Variants in DDAH1 observed in about 807,000 individuals in gnomAD.
DDAH1 encodes the protein dimethylarginine dimethylaminohydrolase 1, also known as N(G),N(G)-dimethylarginine dimethylaminohydrolase 1.
A neutral mutation model predicts 28.8 loss-of-function variants in DDAH1; 19 were observed. That is an observed-to-expected ratio of 0.66 (90% confidence interval 0.46 to 0.97). The LOEUF is 0.97. Among genes scored for constraint, DDAH1 ranks in the 50% least tolerant of loss-of-function variants. The probability of loss-of-function intolerance (pLI) is 0.00; values close to 1 mark genes in which losing one functional copy is unlikely to be tolerated. For synonymous variants in DDAH1, 153 were observed against 154.4 expected, an observed-to-expected ratio of 0.99 and a Z score of 0.07; for missense variants, 326 against 375.9, an observed-to-expected ratio of 0.87 and a Z score of 1.10.
chr1:85,493,912 G>A (rs1406981137), intron 2 of DDAH1: 2 of 152,188 alleles, frequency 1.3e-5, no homozygotes, highest in Non-Finnish European at 2.9e-5. Context: ...TGTATTTCTA[G>A]TAATTCAAAG....
intron 4 of DDAH1, among the ~76,000 whole-genome samples, chr1:85,348,853 T>C (rs781205933): frequency 3.9e-5 from 6 of 152,236 alleles, no homozygotes; most frequent in Non-Finnish European, 8.8e-5. Flanking sequence ...ACCAAATGAT[T>C]TGAGTTAGGG....
At chr1:85,559,035 A>G (rs1335115492) in intron 1 of DDAH1, among the ~76,000 whole-genome samples, 2 of 152,232 alleles carry the variant, frequency 1.3e-5, no homozygotes, top group Non-Finnish European at 2.9e-5. Context: ...TATAAACTGG[A>G]AAGCAGTTTG....
At chr1:85,480,847 A>G (rs1345795318) in intron 2 of DDAH1, among the ~76,000 whole-genome samples, 4 of 151,986 alleles carry the variant, frequency 2.6e-5, no homozygotes, top group Non-Finnish European at 5.9e-5. Context: ...AAATCAAGGT[A>G]TATCCATACC....
intron 1 of DDAH1, among the ~76,000 whole-genome samples, chr1:85,566,446 C>T (rs1237224992): frequency 2.7e-5 from 4 of 148,124 alleles, no homozygotes; most frequent in African/African-American, 5.0e-5. Context: ...GAGCCAAGAT[C>T]GCACCACTGC....
At chr1:85,435,871 A>G (rs767399518) in intron 1 of DDAH1, among the ~76,000 whole-genome samples, 22 of 152,028 alleles carry the variant, frequency 1.4e-4, no homozygotes, top group Middle Eastern at 3.4e-3. Context: ...TCTCACTGCA[A>G]CCTCTGCCTC....
chr1:85,481,373 C>T (rs893211088), intron 2 of DDAH1, among the ~76,000 whole-genome samples: 4 of 152,128 alleles, frequency 2.6e-5, no homozygotes, highest in African/African-American at 9.7e-5. Flanking sequence ...GTTGGGACTA[C>T]AGATGTGAGT....
At position 85,565,236 on chromosome 1, in the gene DDAH1, T is replaced by C. The variant is rs916552485; in HGVS notation, c.-123+12748A>G. ...GCATAAAGAAGAACAAATTTTTGAA[T>C]GTCAGCTGATTTCTCATCAGAAACA... On this transcript the variant is annotated intron_variant, in intron 1 of 6. Transcript: ENST00000426972. 2.6e-5 allele frequency among the ~76,000 whole-genome samples: 4 copies of C among 152,062 alleles called. No homozygotes were observed. In the East Asian group the frequency reaches 7.7e-4, roughly 29 times the overall value.
At chr1:85,382,963 C>T (rs1472528407) in intron 1 of DDAH1, among the ~76,000 whole-genome samples, 1 of 152,196 alleles carries the variant, frequency 6.6e-6, no homozygotes, top group Non-Finnish European at 1.5e-5. Flanking sequence ...TGACAATGCA[C>T]CTGGTCACCC....
chr1:85,427,271 TA>T (rs58534051), intron 1 of DDAH1, among the ~76,000 whole-genome samples: 73 of 142,204 alleles, frequency 5.1e-4, no homozygotes, highest in East Asian at 1.8e-3. Context: ...CCAAGTGAGC[TA>T]AAAAAAAAAA....
At chr1:85,383,566 T>G (rs929136297) in intron 1 of DDAH1, among the ~76,000 whole-genome samples, 1 of 152,238 alleles carries the variant, frequency 6.6e-6, no homozygotes, top group African/African-American at 2.4e-5. Context: ...TTGAGAGGAC[T>G]ACAATCTTGA....
At position 85,407,966 on chromosome 1, in the gene DDAH1, G is replaced by C. The variant is rs555302024; in HGVS notation, c.304-49119C>G. The stretch of plus-strand genomic sequence containing the variant: ...TCCTGCTTTAGAACTGGAAGACCAC[G>C]CATGTGGAATTTTAAATTGTTGGCT... On this transcript the variant is annotated intron_variant, in intron 1 of 5. Transcript: ENST00000284031. Among the ~76,000 whole-genome samples the C allele has an allele frequency of 3.3e-5, 5 of 152,228 alleles. No homozygotes were observed. The East Asian group carries it at 9.6e-4, about 29-fold the overall frequency.
intron 1 of DDAH1, among the ~76,000 whole-genome samples, chr1:85,528,652 C>T (rs576062109): frequency 6.6e-6 from 1 of 152,098 alleles, no homozygotes; most frequent in Non-Finnish European, 1.5e-5. Flanking sequence ...TAAGCTACTT[C>T]CTTCCTTTAA....
chr1:85,506,319 T>A (rs1657014915), intron 1 of DDAH1, among the ~76,000 whole-genome samples: 1 of 152,128 alleles, frequency 6.6e-6, no homozygotes, highest in Admixed American at 6.5e-5. Context: ...GAGCATTAAG[T>A]CCCATGGGTT....
At position 85,476,142 on chromosome 1, in the gene DDAH1, G is replaced by A. The variant is rs188526404; in HGVS notation, c.-7+20024C>T. ...CTCCCAAAGTGCTGGGATTACAGGC[G>A]TGAGCCACCATGTCCAGCCTCAAGA... On this transcript the variant is annotated intron_variant, in intron 2 of 6. Coordinates refer to the DDAH1 transcript ENST00000426972. 4.8e-3 allele frequency among the ~76,000 whole-genome samples: 725 copies of A among 152,304 alleles called. 2 individuals carry two copies. The highest frequency in any genetic ancestry group is 8.3e-3 in the Non-Finnish European group (564 of 68,026).
chr1:85,553,635 A>C (rs955354958), intron 1 of DDAH1, among the ~76,000 whole-genome samples: 2 of 152,222 alleles, frequency 1.3e-5, no homozygotes, highest in African/African-American at 4.8e-5. Flanking sequence ...GCAGAAGCAC[A>C]AATTGGAGGT....
chr1:85,382,864 T>C (rs1651064475), intron 1 of DDAH1, among the ~76,000 whole-genome samples: 1 of 152,222 alleles, frequency 6.6e-6, no homozygotes, highest in Admixed American at 6.5e-5. Context: ...AGCACATCTG[T>C]TTACAGCATG....
At chr1:85,536,982 TATAC>T (rs1413351831) in intron 1 of DDAH1, among the ~76,000 whole-genome samples, 7,172 of 35,252 alleles carry the variant, frequency 0.2, 348 homozygotes, top group East Asian at 0.27. Context: ...TATATATATA[TATAC>T]GTATATACAT....
At chr1:85,503,558 T>TATCTATCTATCC (rs1230852792) in intron 1 of DDAH1, among the ~76,000 whole-genome samples, 2 of 149,874 alleles carry the variant, frequency 1.3e-5, no homozygotes, top group Non-Finnish European at 3.0e-5. Flanking sequence ...TCTATCTATC[T>TATCTATCTATCC]ATCTATCTAT....
intron 1 of DDAH1, among the ~76,000 whole-genome samples, chr1:85,428,768 G>A (rs980861275): frequency 2.6e-5 from 4 of 152,070 alleles, no homozygotes; most frequent in African/African-American, 9.7e-5. Flanking sequence ...AGAATGCTGT[G>A]CTTTATTCAG....
Sources: gnomAD v4.1 joint callset for allele counts (sites outside exome capture counted in the v4.1 genomes callset) on GRCh38, gnomAD v4.1.1 for gene constraint, MANE v1.5 for transcripts, NCBI Gene and HGNC (gene_info 2026-07-23, HGNC 2026-07-21) for gene names.